HS3ST3B1: variants seen among roughly 807,000 people sequenced by gnomAD.
HS3ST3B1 encodes the protein heparan sulfate-glucosamine 3-sulfotransferase 3B1.
A neutral mutation model predicts 21.3 loss-of-function variants in HS3ST3B1; 13 were observed. The observed-to-expected ratio is 0.61, with a 90% CI of 0.40 to 0.97. The LOEUF (loss-of-function observed/expected upper bound fraction) is 0.97, where lower values mean the gene tolerates loss of function less well. Among genes scored for constraint, HS3ST3B1 ranks in the 50% least tolerant of loss-of-function variants. The pLI is 0.00. For synonymous variants in HS3ST3B1, 234 were observed against 254.8 expected (o/e 0.92, Z 0.78); for missense variants, 459 against 554.8 (o/e 0.83, Z 1.73).
Position 14,301,941 on chromosome 17 carries a change from C to T in HS3ST3B1, c.423C>T (p.Ile141=), listed in dbSNP as rs751757086. 4 of 1,609,834 alleles carry T rather than the reference C, an allele frequency of 2.5e-6. No individual in the cohort carries two copies. The highest frequency in any genetic ancestry group is 3.4e-6 in the Non-Finnish European group (4 of 1,178,672). ...GGAGCAAGCAGCTGCCGCAGGCCAT[C>T]ATCATCGGCGTGAAGAAGGGCGGCA... ...GSGSKQLPQA[I]IIGVKKGGTR... is the part of the protein sequence containing the mutation. The change falls in exon 1 of 2, where the codon ATC becomes ATT. Residue 141 remains isoleucine (I), a synonymous_variant. Transcript: ENST00000360954.
intron 1 of HS3ST3B1, among the ~76,000 whole-genome samples, chr17:14,316,990 C>T (rs1193954829): frequency 6.6e-6 from 1 of 152,228 alleles, no homozygotes; most frequent in Non-Finnish European, 1.5e-5. Flanking sequence ...TGGGGAAATT[C>T]TAACATCTGC....
intron 1 of HS3ST3B1, among the ~76,000 whole-genome samples, chr17:14,343,281 C>T (rs898780644): frequency 6.6e-6 from 1 of 151,814 alleles, no homozygotes; most frequent in Non-Finnish European, 1.5e-5. Context: ...TTCAATCAAG[C>T]AAATTAACAT....
intron 1 of HS3ST3B1, among the ~76,000 whole-genome samples, chr17:14,342,388 AAAT>A (rs1383946700): frequency 6.6e-6 from 1 of 152,218 alleles, no homozygotes; most frequent in Non-Finnish European, 1.5e-5. Context: ...TCCGACTTGT[AAAT>A]AATAACTTTC....
At position 14,338,345 on chromosome 17, in the gene HS3ST3B1, C is replaced by T. The variant is rs147207218; in HGVS notation, c.555-6683C>T. 5.1e-3 allele frequency among the ~76,000 whole-genome samples: 768 copies of T among 151,798 alleles called. 6 individuals carry two copies. The highest frequency in any genetic ancestry group is 0.024 in the Middle Eastern group (7 of 294). ...TTCATCATGTTAGCCAGGACGGTCTCGATCTCCTGACCTTGTGATCTGCCC... is the reference window on the plus strand; with the variant it reads ...TTCATCATGTTAGCCAGGACGGTCTTGATCTCCTGACCTTGTGATCTGCCC... On this transcript the variant is annotated intron_variant, in intron 1 of 1. Transcript: ENST00000360954.
At chr17:14,302,816 C>G (rs1045675766) in intron 1 of HS3ST3B1, among the ~76,000 whole-genome samples, 2 of 152,210 alleles carry the variant, frequency 1.3e-5, no homozygotes, top group Non-Finnish European at 2.9e-5. Context: ...GCACCGCCGC[C>G]CGTTTCCGCC....
intron 1 of HS3ST3B1, among the ~76,000 whole-genome samples, chr17:14,323,251 C>A (rs1419206394): frequency 6.6e-6 from 1 of 152,104 alleles, no homozygotes; most frequent in Non-Finnish European, 1.5e-5. Flanking sequence ...AGGGTCCATC[C>A]CTTTACTCGG....
intron 1 of HS3ST3B1, among the ~76,000 whole-genome samples, chr17:14,330,550 G>GGTGTGTGTGTGTGTGTGTGTGTGTGT: frequency 6.9e-6 from 1 of 144,080 alleles, no homozygotes; most frequent in Non-Finnish European, 1.5e-5. Context: ...CTGGTTTCCC[G>GGTGTGTGTGTGTGTGTGTGTGTGTGT]GTGTGTGTGT....
intron 1 of HS3ST3B1, among the ~76,000 whole-genome samples, chr17:14,306,767 A>G (rs916046668): frequency 2.6e-5 from 4 of 151,968 alleles, no homozygotes; most frequent in Admixed American, 6.6e-5. Flanking sequence ...AAGGAATTAC[A>G]CTCTCTTAGT....
intron 1 of HS3ST3B1, among the ~76,000 whole-genome samples, chr17:14,321,037 A>G (rs142494873): frequency 5.3e-5 from 8 of 152,158 alleles, no homozygotes; most frequent in African/African-American, 1.4e-4. Flanking sequence ...CTGAACATCA[A>G]AGTAAGAAAG....
At chr17:14,336,950 G>A (rs1910202487) in intron 1 of HS3ST3B1, among the ~76,000 whole-genome samples, 1 of 152,044 alleles carries the variant, frequency 6.6e-6, no homozygotes, top group African/African-American at 2.4e-5. Context: ...TTGCTGGTGG[G>A]GACTCTGTTG....
intron 1 of HS3ST3B1, among the ~76,000 whole-genome samples, chr17:14,302,419 C>T (rs1908966307): frequency 6.6e-6 from 1 of 152,164 alleles, no homozygotes; most frequent in African/African-American, 2.4e-5. Context: ...TTTTATGACT[C>T]GTTTTAAATT....
intron 1 of HS3ST3B1, among the ~76,000 whole-genome samples, chr17:14,336,546 T>C (rs1046188703): frequency 6.6e-6 from 1 of 152,146 alleles, no homozygotes; most frequent in African/African-American, 2.4e-5. Flanking sequence ...AGTGGTAAAG[T>C]CTCGTGTTTC....
At chr17:14,342,178 A>G (rs1348971085) in intron 1 of HS3ST3B1, among the ~76,000 whole-genome samples, 1 of 152,240 alleles carries the variant, frequency 6.6e-6, no homozygotes, top group Non-Finnish European at 1.5e-5. Flanking sequence ...CAGTGGATTA[A>G]GATGGCTTGA....
chr17:14,305,668 T>C (rs2190625), intron 1 of HS3ST3B1, among the ~76,000 whole-genome samples: 19,837 of 152,134 alleles, frequency 0.13, 1,620 homozygotes, highest in African/African-American at 0.22. Context: ...ACCACCTCGG[T>C]CCCCCTTTCC....
chr17:14,345,703 G>T lies in HS3ST3B1; in HGVS notation c.*57G>T, dbSNP rs1174054266. On this transcript the variant is annotated 3_prime_UTR_variant, in exon 2 of 2. Coordinates refer to ENST00000360954, the MANE Select transcript of HS3ST3B1 (RefSeq NM_006041.3). ...GCTTATCTATTGACAGAGATTATAT[G>T]TATGTAAAATGTACAGAAATCTATT... 2 of 1,545,426 alleles carry T rather than the reference G, an allele frequency of 1.3e-6. No individual in the cohort carries two copies. The highest frequency in any genetic ancestry group is 1.7e-6 in the Non-Finnish European group (2 of 1,147,340).
intron 1 of HS3ST3B1, among the ~76,000 whole-genome samples, chr17:14,311,204 G>T (rs1434020730): frequency 6.8e-6 from 1 of 146,950 alleles, no homozygotes. Context: ...GTGTAGCAGG[G>T]ACTACAGGTG....
intron 1 of HS3ST3B1, chr17:14,304,960 C>A (rs1252564214): frequency 2.6e-5 from 4 of 152,130 alleles, no homozygotes; most frequent in Non-Finnish European, 4.4e-5. Context: ...GTGGCCTAAC[C>A]AGTAACCCAG....
At position 14,345,503 on chromosome 17, in the gene HS3ST3B1, A is replaced by T. The variant is rs1458830277; in HGVS notation, c.1030A>T (p.Ser344Cys). Reference sequence around the variant, plus strand: ...CTGCCTGAAGAAGGCGGAGGGCAGCAGCCGGCCCCATTGCCTGGGCAAGAC... The same window carrying T: ...CTGCCTGAAGAAGGCGGAGGGCAGCTGCCGGCCCCATTGCCTGGGCAAGAC... ...FPCLKKAEGS[S>C]RPHCLGKTKG... The change falls in exon 2 of 2, where the codon AGC becomes TGC. Residue 344 changes from serine (S) to cysteine (C), a missense_variant. Around this residue, in one of 3 missense-constraint regions of HS3ST3B1, gnomAD observed 127 missense variants for 209.9 expected, o/e 0.60. Coordinates refer to ENST00000360954, the MANE Select transcript of HS3ST3B1 (RefSeq NM_006041.3). The T allele has an allele frequency of 6.3e-7, 1 of 1,586,684 alleles. No homozygotes were observed. The highest frequency in any genetic ancestry group is 1.7e-5 in the Admixed American group (1 of 59,232).
chr17:14,306,554 C>T (rs1909144597), intron 1 of HS3ST3B1, among the ~76,000 whole-genome samples: 1 of 152,138 alleles, frequency 6.6e-6, no homozygotes, highest in South Asian at 2.1e-4. Flanking sequence ...ACATAGAAAA[C>T]CCTGTAACTT....
Sources: allele counts gnomAD v4.1 joint callset (sites outside exome capture counted in the v4.1 genomes callset), GRCh38; gene constraint gnomAD v4.1.1; regional missense constraint gnomAD v4.1.1; transcripts MANE v1.5; gene names NCBI Gene and HGNC (gene_info 2026-07-23, HGNC 2026-07-21).